RPS6KA2: variants seen among roughly 807,000 people sequenced by gnomAD.
The protein encoded by RPS6KA2 is ribosomal protein S6 kinase A2.
In RPS6KA2, 42 loss-of-function variants were observed where a neutral mutation model predicts 91.8. That is an observed-to-expected ratio of 0.46 (90% CI 0.36 to 0.59). RPS6KA2 has a LOEUF of 0.59. Ranked by LOEUF, RPS6KA2 falls within the 20% of genes least tolerant of loss-of-function variation. The pLI is 0.00. For missense variants in RPS6KA2, 798 were observed against 978.5 expected (o/e 0.82, Z 2.46); for synonymous variants, 414 against 393.6 (o/e 1.05, Z -0.61).
At position 166,626,573 on chromosome 6, in the gene RPS6KA2, G is replaced by A. The variant is rs1015613768; in HGVS notation, c.99+348C>T. On this transcript the variant is annotated intron_variant, in intron 1 of 20. Transcript: ENST00000265678. This position sits in a 1 kb window ranked among gnomAD's most constrained non-coding sequence, Gnocchi z 4.1. ...TTGAGGGACCCCCGCGGAGCGCTCC[G>A]CGCCACTCGGCGGTCTAGCTGCAGA... is the stretch of plus-strand genomic sequence containing the variant. Among the ~76,000 whole-genome samples the A allele has an allele frequency of 5.3e-5, 8 of 152,310 alleles. No individual in the cohort carries two copies. In the South Asian group the frequency reaches 1.5e-3, roughly 28 times the overall value.
intron 14 of RPS6KA2, among the ~76,000 whole-genome samples, chr6:166,441,205 C>T (rs1779508679): frequency 6.6e-6 from 1 of 152,134 alleles, no homozygotes; most frequent in South Asian, 2.1e-4. Flanking sequence ...TTAACTGCTC[C>T]TAGTCCCGGC....
chr6:166,700,129 C>T (rs1321737104), intron 2 of RPS6KA2, among the ~76,000 whole-genome samples: 1 of 152,236 alleles, frequency 6.6e-6, no homozygotes, highest in Non-Finnish European at 1.5e-5. Context: ...ATTTATTATG[C>T]ATTCAATCAT....
At chr6:166,507,901 C>T (rs1782305477) in intron 5 of RPS6KA2, among the ~76,000 whole-genome samples, 1 of 147,110 alleles carries the variant, frequency 6.8e-6, no homozygotes, top group Non-Finnish European at 1.5e-5. Context: ...CACACGCACT[C>T]AAACACATAC....
In RPS6KA2 at chr6:166,484,917, C is replaced by T. The variant is rs78241750; in HGVS notation, c.907+3916G>A. On this transcript the variant is annotated intron_variant, in intron 10 of 20. Transcript: ENST00000265678. The stretch of plus-strand genomic sequence containing the variant: ...TTCTTGTTTGACCTGCTTTGAAGTA[C>T]TGTCACGAGAATTCAAGTCAGATAA... Among the ~76,000 whole-genome samples the T allele has an allele frequency of 5.3e-5, 8 of 152,354 alleles. No homozygotes were observed. In the East Asian group the frequency reaches 1.5e-3, roughly 29 times the overall value.
intron 2 of RPS6KA2, among the ~76,000 whole-genome samples, chr6:166,744,080 A>G (rs1317712595): frequency 1.3e-5 from 2 of 152,002 alleles, no homozygotes; most frequent in Non-Finnish European, 2.9e-5. Context: ...GCACCTGAGT[A>G]TCCCCTAGGA....
chr6:166,514,102 G>A (rs929666850), intron 3 of RPS6KA2, among the ~76,000 whole-genome samples: 4 of 152,156 alleles, frequency 2.6e-5, no homozygotes, highest in South Asian at 2.1e-4. Context: ...AGCAAAGGTA[G>A]GCTCGGTCTT....
rs760698571 is a variant in RPS6KA2, at chr6:166,508,273, G to C, written c.389C>G (p.Thr130Arg). The change falls in exon 5 of 21, where the codon ACG becomes AGG. Residue 130 changes from threonine (T) to arginine (R), a missense_variant. Coordinates refer to ENST00000265678, the MANE Select transcript of RPS6KA2 (RefSeq NM_021135.6). This position sits in a 1 kb window ranked among gnomAD's most constrained non-coding sequence, Gnocchi z 4.3. ...FIVKLHYAFQ[T>R]EGKLYLILDF... ...CAGGATCAGGTAGAGCTTTCCTTCC[G>C]TCTGAAAGGCTGTGGGGGACAGAGA... 6.2e-7 allele frequency: 1 copy of C among 1,611,074 alleles called. No individual in the cohort carries two copies. Among genetic ancestry groups the C allele is most frequent in the Non-Finnish European group, 8.5e-7 (1 of 1,177,384 alleles).
At chr6:166,522,782 A>G (rs1328200566) in intron 3 of RPS6KA2, among the ~76,000 whole-genome samples, 1 of 152,222 alleles carries the variant, frequency 6.6e-6, no homozygotes, top group Non-Finnish European at 1.5e-5. Flanking sequence ...TCGTGTGGCT[A>G]AACTTTTGGG....
intron 11 of RPS6KA2, among the ~76,000 whole-genome samples, chr6:166,467,976 A>T (rs955093385): frequency 6.6e-6 from 1 of 152,220 alleles, no homozygotes; most frequent in Non-Finnish European, 1.5e-5. Flanking sequence ...AGGGGAGGGG[A>T]TGCAACATGC....
chr6:166,671,825 G>A lies in RPS6KA2; in HGVS notation c.124-133041C>T, dbSNP rs951732902. Among the ~76,000 whole-genome samples the A allele has an allele frequency of 8.5e-5, 13 of 152,102 alleles. No homozygotes were observed. The East Asian group carries it at 1.4e-3, about 16-fold the overall frequency. On this transcript the variant is annotated intron_variant, in intron 2 of 21. Transcript: ENST00000503859. ...ACTGGCCAGTGGGCTGGCCAGAGCC[G>A]GGATCTCAGAGCATCTCACACCAGT...
At chr6:166,786,930 G>T (rs189523722) in intron 2 of RPS6KA2, among the ~76,000 whole-genome samples, 3 of 152,128 alleles carry the variant, frequency 2.0e-5, no homozygotes, top group Non-Finnish European at 4.4e-5. Context: ...TAGGTCAAAT[G>T]AGCCTGATGC....
chr6:166,724,848 T>A (rs937098889), intron 2 of RPS6KA2, among the ~76,000 whole-genome samples: 1 of 152,230 alleles, frequency 6.6e-6, no homozygotes, highest in Admixed American at 6.5e-5. Flanking sequence ...GTCTGAAAGA[T>A]AAACAAGTTA....
intron 2 of RPS6KA2, among the ~76,000 whole-genome samples, chr6:166,845,761 TAA>T (rs141129385): frequency 0.032 from 4,806 of 151,856 alleles, 273 homozygotes; most frequent in African/African-American, 0.11. Context: ...TCAAAAAGTC[TAA>T]AAGAGCACAA....
chr6:166,504,824 G>A (rs779538548), intron 5 of RPS6KA2, among the ~76,000 whole-genome samples: 1 of 152,128 alleles, frequency 6.6e-6, no homozygotes, highest in Non-Finnish European at 1.5e-5. Flanking sequence ...GGAGACGAGG[G>A]CTTCCTGCAC....
intron 2 of RPS6KA2, among the ~76,000 whole-genome samples, chr6:166,829,589 C>CAAAAAAAAAAAAAAAAAAAA (rs57711560): frequency 2.1e-5 from 2 of 96,938 alleles, no homozygotes; most frequent in African/African-American, 9.5e-5. Flanking sequence ...GACTCTGTCT[C>CAAAAAAAAAAAAAAAAAAAA]AAAAAAAAAA....
chr6:166,700,292 C>T (rs577937333), intron 2 of RPS6KA2, among the ~76,000 whole-genome samples: 180 of 152,304 alleles, frequency 1.2e-3, no homozygotes, highest in Non-Finnish European at 2.1e-3. Context: ...AGGCACTGCT[C>T]TGTATCTTTG....
chr6:166,669,827 G>A (rs1213633571), intron 2 of RPS6KA2, among the ~76,000 whole-genome samples: 2 of 152,200 alleles, frequency 1.3e-5, no homozygotes, highest in African/African-American at 4.8e-5. Context: ...GATTCCTACC[G>A]AGGTCCAGGG....
At chr6:166,522,833 G>C (rs1782906308) in intron 3 of RPS6KA2, among the ~76,000 whole-genome samples, 1 of 152,212 alleles carries the variant, frequency 6.6e-6, no homozygotes. Context: ...CATAAAGGAA[G>C]AGAAGAAAAC....
At chr6:166,799,524 A>C (rs1490108742) in intron 2 of RPS6KA2, among the ~76,000 whole-genome samples, 2 of 152,122 alleles carry the variant, frequency 1.3e-5, no homozygotes, top group African/African-American at 4.8e-5. Flanking sequence ...GTTAGAATGG[A>C]AATTTGAGCT....
Sources: gnomAD v4.1 joint callset for allele counts (sites outside exome capture counted in the v4.1 genomes callset) on GRCh38, gnomAD v4.1.1 for gene constraint, Gnocchi (gnomAD v3.1) non-coding constraint, MANE v1.5 for transcripts, NCBI Gene and HGNC (gene_info 2026-07-23, HGNC 2026-07-21) for gene names.